ANO10: variants seen among roughly 807,000 people sequenced by gnomAD.
The protein encoded by ANO10 is anoctamin-10.
ANO10 carries 77 observed loss-of-function variants against 74.7 expected under a neutral mutation model. The ratio of observed to expected loss-of-function variants is 1.03; its 90% CI spans 0.86 to 1.25. ANO10 has a LOEUF of 1.25. Ranked by LOEUF, ANO10 falls within the 50% of genes most tolerant of loss-of-function variation. ANO10 has a pLI of 0.00. For synonymous variants in ANO10, 279 were observed against 284.9 expected (o/e 0.98, Z 0.21); for missense variants, 721 against 778.1 (o/e 0.93, Z 0.87).
chr3:43,614,310 T>G (rs2149522850), intron 1 of ANO10, among the ~76,000 whole-genome samples: 1 of 152,328 alleles, frequency 6.6e-6, no homozygotes, highest in East Asian at 1.9e-4. Context: ...ATTTGCTCAC[T>G]GATTATTCTC....
Position 43,461,015 on chromosome 3 carries a change from TGAA to T in ANO10, c.1798-28291_1798-28289del, listed in dbSNP as rs528155626. On this transcript the variant is annotated intron_variant, in intron 11 of 12. Transcript: ENST00000292246. Reference sequence around the variant, plus strand: ...GCTAGAAAAAAAAAACAGGAAAAAATGAAGAAAATATTAAAAGTGTAAAAATCA... The same window carrying T: ...GCTAGAAAAAAAAAACAGGAAAAAATGAAAATATTAAAAGTGTAAAAATCA... Among the ~76,000 whole-genome samples, 1,104 of 141,078 alleles carry T rather than the reference TGAA, an allele frequency of 7.8e-3. 5 individuals are homozygous for T. Among genetic ancestry groups the T allele is most frequent in the Middle Eastern group, 0.011 (3 of 272 alleles). The allele number at this position is 141,078 out of a possible 152,430, so 92.6% of individuals were successfully genotyped here. A position where few individuals can be genotyped will look rare whatever the true frequency, so the allele number is the denominator to read the frequency against.
At chr3:43,667,156 T>C (rs2084002911) in intron 1 of ANO10, among the ~76,000 whole-genome samples, 1 of 136,590 alleles carries the variant, frequency 7.3e-6, no homozygotes, top group South Asian at 2.5e-4. Flanking sequence ...AGTGGGGCAA[T>C]CTTGGCTCAC....
chr3:43,408,543 G>A (rs997304002), intron 12 of ANO10, among the ~76,000 whole-genome samples: 1 of 152,166 alleles, frequency 6.6e-6, no homozygotes, highest in Non-Finnish European at 1.5e-5. Context: ...CACAAAAGGT[G>A]CATAAAGATT....
Position 43,554,828 on chromosome 3 carries a change from A to G in ANO10, c.1668+450T>C, listed in dbSNP as rs2079658667. On this transcript the variant is annotated intron_variant, in intron 10 of 12. Transcript: ENST00000292246. The stretch of plus-strand genomic sequence containing the variant: ...GTGCAGGGTTGTGGTGAAACTCCTT[A>G]TATTCCACTAGGCTTCCTCTGAGAC... 2.0e-5 allele frequency among the ~76,000 whole-genome samples: 3 copies of G among 152,118 alleles called. No homozygotes were observed. In the South Asian group the frequency reaches 6.2e-4, roughly 32 times the overall value.
intron 11 of ANO10, among the ~76,000 whole-genome samples, chr3:43,441,088 A>T (rs2093151888): frequency 6.6e-6 from 1 of 151,992 alleles, no homozygotes; most frequent in Non-Finnish European, 1.5e-5. Context: ...TTACATTATA[A>T]AAAAAAGAAA....
chr3:43,550,145 CA>C (rs2079393741), intron 10 of ANO10, among the ~76,000 whole-genome samples: 1 of 152,158 alleles, frequency 6.6e-6, no homozygotes, highest in African/African-American at 2.4e-5. Context: ...TTACTCTACT[CA>C]CATCTAAGGG....
chr3:43,470,415 G>C (rs761092106), intron 11 of ANO10, among the ~76,000 whole-genome samples: 1 of 152,032 alleles, frequency 6.6e-6, no homozygotes, highest in Non-Finnish European at 1.5e-5. Context: ...GTGCAGTGGC[G>C]CACTCTTGGC....
At chr3:43,418,292 AAAAC>A (rs767324386) in intron 12 of ANO10, among the ~76,000 whole-genome samples, 4 of 152,206 alleles carry the variant, frequency 2.6e-5, no homozygotes, top group South Asian at 2.1e-4. Context: ...AAACCAAACC[AAAAC>A]AAACAAACAA....
intron 1 of ANO10, among the ~76,000 whole-genome samples, chr3:43,667,091 T>G (rs1481385552): frequency 7.1e-6 from 1 of 139,890 alleles, no homozygotes; most frequent in Admixed American, 7.2e-5. Flanking sequence ...TTTTTTTTTT[T>G]TTTTTTTGTC....
intron 11 of ANO10, among the ~76,000 whole-genome samples, chr3:43,546,749 G>A (rs2079210394): frequency 1.3e-5 from 2 of 152,110 alleles, no homozygotes; most frequent in African/African-American, 4.8e-5. Context: ...TTCACCTAAT[G>A]TGAATAACAG....
At chr3:43,391,137 C>T (rs879462127) in intron 12 of ANO10, among the ~76,000 whole-genome samples, 1 of 152,166 alleles carries the variant, frequency 6.6e-6, no homozygotes, top group Admixed American at 6.5e-5. Flanking sequence ...CTTTTACAAC[C>T]ACTCATGTCA....
At chr3:43,540,749 A>C (rs1309525191) in intron 11 of ANO10, among the ~76,000 whole-genome samples, 1 of 152,166 alleles carries the variant, frequency 6.6e-6, no homozygotes, top group African/African-American at 2.4e-5. Flanking sequence ...GTTAGGAGGG[A>C]ATGGAGAGAG....
chr3:43,605,625 C>G, intron 2 of ANO10, 89 bp downstream of exon 2: 6 of 1,490,086 alleles, frequency 4.0e-6, no homozygotes, highest in Non-Finnish European at 5.5e-6. Context: ...TTTGCAAATA[C>G]ATTTTTAGTG....
intron 11 of ANO10, among the ~76,000 whole-genome samples, chr3:43,483,469 G>T (rs2076348398): frequency 6.6e-6 from 1 of 152,134 alleles, no homozygotes; most frequent in Non-Finnish European, 1.5e-5. Context: ...CGTAACACTT[G>T]GTCTGGTTCC....
At chr3:43,462,964 T>C (rs1228310192) in intron 11 of ANO10, among the ~76,000 whole-genome samples, 1 of 152,194 alleles carries the variant, frequency 6.6e-6, no homozygotes, top group Non-Finnish European at 1.5e-5. Context: ...AGTCAAAAAC[T>C]GAGGTTTGGG....
At chr3:43,464,688 G>T (rs1350463243) in intron 11 of ANO10, among the ~76,000 whole-genome samples, 2 of 151,850 alleles carry the variant, frequency 1.3e-5, no homozygotes, top group African/African-American at 4.8e-5. Context: ...AAAAAAAAAT[G>T]CAAGATTGGT....
At chr3:43,650,239 C>T (rs979053715) in intron 1 of ANO10, among the ~76,000 whole-genome samples, 3 of 152,156 alleles carry the variant, frequency 2.0e-5, no homozygotes, top group Non-Finnish European at 4.4e-5. Context: ...AGATGATCTT[C>T]CCCTGGAGTT....
chr3:43,628,916 T>C (rs1477454771), intron 1 of ANO10, among the ~76,000 whole-genome samples: 1 of 152,228 alleles, frequency 6.6e-6, no homozygotes, highest in East Asian at 1.9e-4. Context: ...AATTTTAATT[T>C]CGCCCCAGTC....
Position 43,366,735 on chromosome 3 carries a change from C to T in ANO10, c.*171G>A, listed in dbSNP as rs1362598993. 22 of 695,784 alleles carry T rather than the reference C, an allele frequency of 3.2e-5. No homozygotes were observed. Among genetic ancestry groups the T allele is most frequent in the Non-Finnish European group, 5.1e-5 (20 of 392,390 alleles). The allele number at this position is 695,784 out of a possible 1,614,324, so 43.1% of individuals were successfully genotyped here. The stretch of plus-strand genomic sequence containing the variant: ...GAACTGCCAAGGATCCCGAGCCAAG[C>T]CACTGCGAAACTGAGAAGGGTGCTT... On this transcript the variant is annotated 3_prime_UTR_variant, in exon 13 of 13. Coordinates refer to ENST00000292246, the MANE Select transcript of ANO10 (RefSeq NM_018075.5).
Sources: allele counts gnomAD v4.1 joint callset (sites outside exome capture counted in the v4.1 genomes callset), GRCh38; gene constraint gnomAD v4.1.1; transcripts MANE v1.5; gene names NCBI Gene and HGNC (gene_info 2026-07-23, HGNC 2026-07-21).